Variants in ROBO2 observed in about 807,000 individuals in gnomAD.
The protein encoded by ROBO2 is roundabout guidance receptor 2.
A neutral mutation model predicts 160.8 loss-of-function variants in ROBO2; 53 were observed. That is an observed-to-expected ratio of 0.33 (90% CI 0.26 to 0.41). The LOEUF is 0.41. Ranked by LOEUF, ROBO2 falls within the 10% of genes least tolerant of loss-of-function variation. ROBO2 has a pLI of 1.00. For missense variants in ROBO2, 1,577 were observed against 1,722.4 expected (o/e 0.92, Z 1.49); for synonymous variants, 664 against 611.7 (o/e 1.09, Z -1.26).
At chr3:76,932,174 G>T (rs2149059644) in intron 2 of ROBO2, among the ~76,000 whole-genome samples, 1 of 152,042 alleles carries the variant, frequency 6.6e-6, no homozygotes, top group South Asian at 2.1e-4. Context: ...TTCTTGCTTT[G>T]AATGAGTATT....
intron 2 of ROBO2, among the ~76,000 whole-genome samples, chr3:76,346,718 A>G (rs752205492): frequency 1.3e-5 from 2 of 152,166 alleles, no homozygotes; most frequent in African/African-American, 4.8e-5. Flanking sequence ...AGTCAATCAT[A>G]TTATGAGAAT....
At chr3:76,448,434 G>T (rs558895655) in intron 2 of ROBO2, among the ~76,000 whole-genome samples, 8 of 152,206 alleles carry the variant, frequency 5.3e-5, no homozygotes, top group Admixed American at 2.0e-4. Flanking sequence ...GAGCACCAAG[G>T]CCAGTTCACC....
chr3:76,401,002 A>G (rs186183179), intron 2 of ROBO2, among the ~76,000 whole-genome samples: 2 of 151,688 alleles, frequency 1.3e-5, no homozygotes, highest in Admixed American at 6.6e-5. Context: ...TTGCTGCTGA[A>G]CCATAAGAAA....
At chr3:77,300,471 C>A (rs2062558335) in intron 2 of ROBO2, among the ~76,000 whole-genome samples, 1 of 151,744 alleles carries the variant, frequency 6.6e-6, no homozygotes, top group Non-Finnish European at 1.5e-5. Context: ...CCCATCTGTT[C>A]TTTTTTTCTA....
chr3:76,566,091 T>C (rs1385207420), intron 2 of ROBO2, among the ~76,000 whole-genome samples: 1 of 152,132 alleles, frequency 6.6e-6, no homozygotes, highest in African/African-American at 2.4e-5. Context: ...CACAGCCTTA[T>C]CTTATATGTG....
chr3:77,516,665 G>C (rs1582635541), intron 5 of ROBO2, among the ~76,000 whole-genome samples: 1 of 145,976 alleles, frequency 6.9e-6, no homozygotes, highest in Non-Finnish European at 1.5e-5. Context: ...AAATTGCCAA[G>C]TTATCTCCAT....
At chr3:76,462,757 A>G (rs2106826302) in intron 2 of ROBO2, among the ~76,000 whole-genome samples, 1 of 152,344 alleles carries the variant, frequency 6.6e-6, no homozygotes, top group Admixed American at 6.5e-5. Flanking sequence ...TTCACACTAC[A>G]GTGTGATGTA....
chr3:77,062,487 C>A (rs2066421439), intron 1 of ROBO2, among the ~76,000 whole-genome samples: 2 of 152,120 alleles, frequency 1.3e-5, no homozygotes, highest in African/African-American at 2.4e-5. Flanking sequence ...GTGGTGATGA[C>A]CTCCAAATGT....
intron 2 of ROBO2, among the ~76,000 whole-genome samples, chr3:77,257,320 T>A (rs2119745): frequency 6.6e-6 from 1 of 151,940 alleles, no homozygotes; most frequent in Non-Finnish European, 1.5e-5. Flanking sequence ...TGAACAAACA[T>A]GGCCCAGTGA....
intron 2 of ROBO2, among the ~76,000 whole-genome samples, chr3:77,375,892 T>C (rs9816949): frequency 0.83 from 125,700 of 152,048 alleles, 52,169 homozygotes; most frequent in East Asian, 1. Context: ...AGAGTGAAAT[T>C]ACCGATGATT....
chr3:76,895,209 T>C (rs538186431), intron 2 of ROBO2, among the ~76,000 whole-genome samples: 5 of 152,154 alleles, frequency 3.3e-5, no homozygotes, highest in African/African-American at 1.2e-4. Context: ...CTCTAAATCA[T>C]TTAGCTTTAA....
intron 2 of ROBO2, among the ~76,000 whole-genome samples, chr3:76,615,603 C>T (rs1036095342): frequency 1.3e-5 from 2 of 152,054 alleles, no homozygotes; most frequent in Non-Finnish European, 2.9e-5. Context: ...CATATCTAGA[C>T]ATAAGGAAGG....
chr3:77,616,382 T>TA (rs397740942), intron 21 of ROBO2, among the ~76,000 whole-genome samples: 1 of 151,902 alleles, frequency 6.6e-6, no homozygotes, highest in Non-Finnish European at 1.5e-5. Flanking sequence ...GGTTTTTTTT[T>TA]AATACTAGTT....
intron 2 of ROBO2, among the ~76,000 whole-genome samples, chr3:76,728,886 T>C (rs900739135): frequency 2.7e-5 from 4 of 148,584 alleles, no homozygotes; most frequent in Admixed American, 1.4e-4. Flanking sequence ...AGAGTACCAG[T>C]AGTAAAAGTA....
At chr3:76,237,694 G>A (rs1009436436) in intron 2 of ROBO2, among the ~76,000 whole-genome samples, 8 of 152,104 alleles carry the variant, frequency 5.3e-5, no homozygotes, top group African/African-American at 1.9e-4. Flanking sequence ...CTGATGTGTG[G>A]CTAAGCTTGG....
intron 2 of ROBO2, among the ~76,000 whole-genome samples, chr3:77,453,543 A>G (rs1205893626): frequency 4.6e-5 from 7 of 152,156 alleles, no homozygotes; most frequent in Non-Finnish European, 8.8e-5. Flanking sequence ...CTCAATTTAC[A>G]GATGCTAATG....
intron 2 of ROBO2, among the ~76,000 whole-genome samples, chr3:77,222,849 A>G (rs1192789046): frequency 6.6e-6 from 1 of 152,190 alleles, no homozygotes; most frequent in East Asian, 1.9e-4. Flanking sequence ...AAATAAGAAG[A>G]CCCATTAAAA....
At chr3:76,341,647 T>A (rs185339942) in intron 2 of ROBO2, among the ~76,000 whole-genome samples, 2 of 152,232 alleles carry the variant, frequency 1.3e-5, no homozygotes, top group East Asian at 3.9e-4. Flanking sequence ...GCAGATTGTG[T>A]CTGTACTTTT....
At chr3:77,261,490 A>C (rs534401299) in intron 2 of ROBO2, among the ~76,000 whole-genome samples, 13 of 152,356 alleles carry the variant, frequency 8.5e-5, no homozygotes, top group African/African-American at 2.6e-4. Flanking sequence ...AGGAAATGGC[A>C]TAAAAAGGAG....
Sources: gnomAD v4.1 joint callset for allele counts (sites outside exome capture counted in the v4.1 genomes callset) on GRCh38, gnomAD v4.1.1 for gene constraint, MANE v1.5 for transcripts, NCBI Gene and HGNC (gene_info 2026-07-23, HGNC 2026-07-21) for gene names.